SPON1: variants seen among roughly 807,000 people sequenced by gnomAD.
The protein encoded by SPON1 is spondin 1.
SPON1 carries 52 observed loss-of-function variants against 111.7 expected under a neutral mutation model. That is an observed-to-expected ratio of 0.47 (90% CI 0.37 to 0.59). The LOEUF (loss-of-function observed/expected upper bound fraction) is 0.59, where lower values mean the gene tolerates loss of function less well. Among genes scored for constraint, SPON1 ranks in the 20% least tolerant of loss-of-function variants. The pLI, the probability that SPON1 is intolerant of heterozygous loss-of-function variation, is 0.00. For synonymous variants in SPON1, 410 were observed against 395.8 expected (o/e 1.04, Z -0.43); for missense variants, 957 against 1,068.5 (o/e 0.90, Z 1.46).
At chr11:13,997,177 G>A (rs1848279957) in intron 2 of SPON1, among the ~76,000 whole-genome samples, 1 of 152,152 alleles carries the variant, frequency 6.6e-6, no homozygotes, top group Admixed American at 6.5e-5. Flanking sequence ...CAGCCGTTTG[G>A]GTTTTGACAG....
chr11:14,090,881 G>A (rs1475911162), intron 5 of SPON1, among the ~76,000 whole-genome samples: 2 of 131,518 alleles, frequency 1.5e-5, no homozygotes, highest in Admixed American at 9.5e-5. Context: ...CCAGTAGCCT[G>A]TTTTGTCAGG....
intron 4 of SPON1, among the ~76,000 whole-genome samples, chr11:14,079,510 T>C (rs1315958970): frequency 6.6e-6 from 1 of 152,082 alleles, no homozygotes; most frequent in African/African-American, 2.4e-5. Flanking sequence ...TGTGTATTCC[T>C]CCTAAAATTT....
At chr11:14,149,732 G>T (rs1183248014) in intron 6 of SPON1, among the ~76,000 whole-genome samples, 2 of 152,078 alleles carry the variant, frequency 1.3e-5, no homozygotes, top group Non-Finnish European at 2.9e-5. Flanking sequence ...ATTGCCTATG[G>T]TATTCAGTAC....
intron 5 of SPON1, among the ~76,000 whole-genome samples, chr11:14,113,456 C>T (rs991149494): frequency 6.6e-6 from 1 of 151,860 alleles, no homozygotes; most frequent in African/African-American, 2.4e-5. Flanking sequence ...GGCTAAGAGG[C>T]TGTTCTCCTT....
intron 3 of SPON1, among the ~76,000 whole-genome samples, chr11:14,043,988 T>C (rs1848650230): frequency 6.6e-6 from 1 of 152,224 alleles, no homozygotes; most frequent in Non-Finnish European, 1.5e-5. Context: ...ACCAATGCTT[T>C]CTGTGTACCA....
rs150236566 is a variant in SPON1, at chr11:14,013,569, C to T, written c.346-27952C>T. Among the ~76,000 whole-genome samples the T allele has an allele frequency of 6.6e-5, 10 of 152,294 alleles. No homozygotes were observed. The East Asian group carries it at 1.9e-3, about 29-fold the overall frequency. On this transcript the variant is annotated intron_variant, in intron 2 of 15. Coordinates refer to ENST00000576479, the MANE Select transcript of SPON1 (RefSeq NM_006108.4). Reference sequence around the variant, plus strand: ...GCCTGAAGTCCCATTGACTGTGTTGCCTGCCTATTGAGTAGGATCTTCTGG... The same window carrying T: ...GCCTGAAGTCCCATTGACTGTGTTGTCTGCCTATTGAGTAGGATCTTCTGG...
chr11:14,240,002 CAA>C (rs545343175), intron 6 of SPON1, among the ~76,000 whole-genome samples: 17 of 152,160 alleles, frequency 1.1e-4, no homozygotes, highest in Non-Finnish European at 2.4e-4. Context: ...TCCTATGACT[CAA>C]TGATACAGGA....
At chr11:14,055,372 C>G (rs1367053410) in intron 3 of SPON1, among the ~76,000 whole-genome samples, 8 of 152,176 alleles carry the variant, frequency 5.3e-5, no homozygotes, top group South Asian at 2.1e-4. Flanking sequence ...ACAACTTCAC[C>G]CTTCTAGTGC....
chr11:14,102,217 A>G (rs1404041295), intron 5 of SPON1, among the ~76,000 whole-genome samples: 1 of 152,180 alleles, frequency 6.6e-6, no homozygotes, highest in Non-Finnish European at 1.5e-5. Flanking sequence ...CTCCAAAGCA[A>G]TACTGTATCA....
intron 7 of SPON1, among the ~76,000 whole-genome samples, chr11:14,247,799 G>A (rs561930792): frequency 6.6e-6 from 1 of 152,222 alleles, no homozygotes; most frequent in African/African-American, 2.4e-5. Flanking sequence ...AGTTCTAAGT[G>A]TAAGTTGTTA....
At chr11:14,207,087 C>T (rs1345707758) in intron 6 of SPON1, among the ~76,000 whole-genome samples, 2 of 152,124 alleles carry the variant, frequency 1.3e-5, no homozygotes, top group Non-Finnish European at 2.9e-5. Context: ...GACCACATGC[C>T]TACAACCATC....
rs1212440112 is a variant in SPON1 at position 14,265,570 on chromosome 11, G to C, written c.2307G>C (p.Leu769=). The C allele has an allele frequency of 6.2e-7, 1 of 1,613,640 alleles. No homozygotes were observed. The highest frequency in any genetic ancestry group is 1.3e-5 in the African/African-American group (1 of 74,912). The stretch of plus-strand genomic sequence containing the variant: ...CGGCCTGGTCAGAATGCACCAAACT[G>C]TGCGGAGGTGGAATTCAGGAACGTT... ...PWTAWSECTK[L]CGGGIQERYM... Residue 769 remains leucine (L), a synonymous_variant, in exon 16 of 16, where the codon CTG becomes CTC. Transcript: ENST00000576479.
At chr11:14,070,493 CT>C (rs781944798) in intron 3 of SPON1, among the ~76,000 whole-genome samples, 10 of 152,138 alleles carry the variant, frequency 6.6e-5, no homozygotes, top group Non-Finnish European at 1.2e-4. Context: ...GTGCCAGGTA[CT>C]TTTTGTTAGG....
At chr11:14,251,397 G>A (rs1419700779) in intron 7 of SPON1, among the ~76,000 whole-genome samples, 2 of 152,150 alleles carry the variant, frequency 1.3e-5, no homozygotes, top group Non-Finnish European at 2.9e-5. Context: ...CAACAGATTG[G>A]GCCAAAATGC....
At chr11:14,062,994 C>T (rs1407091461) in intron 3 of SPON1, among the ~76,000 whole-genome samples, 1 of 151,460 alleles carries the variant, frequency 6.6e-6, no homozygotes, top group Non-Finnish European at 1.5e-5. Flanking sequence ...GAGACTTCCC[C>T]CTCCTTCCCT....
chr11:14,083,201 C>T (rs947909960), intron 5 of SPON1, among the ~76,000 whole-genome samples: 2 of 152,222 alleles, frequency 1.3e-5, no homozygotes, highest in South Asian at 2.1e-4. Flanking sequence ...CAATGTTTTA[C>T]GTTTTTGCAA....
At chr11:14,072,364 A>G (rs1217995896) in intron 3 of SPON1, among the ~76,000 whole-genome samples, 1 of 152,244 alleles carries the variant, frequency 6.6e-6, no homozygotes, top group South Asian at 2.1e-4. Flanking sequence ...TTATAATCAT[A>G]TATTTCAAAA....
intron 7 of SPON1, among the ~76,000 whole-genome samples, chr11:14,248,442 T>G (rs1417490024): frequency 6.6e-6 from 1 of 152,144 alleles, no homozygotes; most frequent in Non-Finnish European, 1.5e-5. Flanking sequence ...TTCCCACATT[T>G]CACCTACCCC....
rs574836393 is a variant in SPON1 at position 14,118,250 on chromosome 11, G to A, written c.677-17170G>A. Reference sequence around the variant, plus strand: ...TCTGTAGTGCTACAGTTCCTTCCCTGGGGCTTCAAACTCAAGTGTTAGTGG... The same window carrying A: ...TCTGTAGTGCTACAGTTCCTTCCCTAGGGCTTCAAACTCAAGTGTTAGTGG... On this transcript the variant is annotated intron_variant, in intron 5 of 15. Transcript: ENST00000576479. 1.1e-3 allele frequency among the ~76,000 whole-genome samples: 169 copies of A among 152,270 alleles called. 1 individual carries two copies. The highest frequency in any genetic ancestry group is 7.1e-4 in the Non-Finnish European group (48 of 68,012).
Sources: allele counts gnomAD v4.1 joint callset (sites outside exome capture counted in the v4.1 genomes callset), GRCh38; gene constraint gnomAD v4.1.1; transcripts MANE v1.5; gene names NCBI Gene and HGNC (gene_info 2026-07-23, HGNC 2026-07-21).